Variants in MED27 observed in about 807,000 individuals in gnomAD.
MED27 encodes mediator of RNA polymerase II transcription subunit 27.
Under a neutral mutation model 38.2 loss-of-function variants are expected in MED27, and 30 were observed. That is an observed-to-expected ratio of 0.79 (90% CI 0.59 to 1.07). The LOEUF is 1.07. Among genes scored for constraint, MED27 ranks in the 50% least tolerant of loss-of-function variants. The probability of loss-of-function intolerance (pLI) is 0.00; values close to 1 mark genes in which losing one functional copy is unlikely to be tolerated. For synonymous variants in MED27, 122 were observed against 153.5 expected (o/e 0.79, Z 1.52); for missense variants, 289 against 397.5 (o/e 0.73, Z 2.32).
chr9:131,943,469 C>A (rs886431681), intron 3 of MED27, among the ~76,000 whole-genome samples: 1 of 152,152 alleles, frequency 6.6e-6, no homozygotes, highest in East Asian at 1.9e-4. Flanking sequence ...CTGCAGCGGG[C>A]TCTGCAGTGC....
chr9:132,005,402 G>A (rs928389836), intron 3 of MED27, among the ~76,000 whole-genome samples: 1 of 152,222 alleles, frequency 6.6e-6, no homozygotes, highest in African/African-American at 2.4e-5. Flanking sequence ...GTGAGTCTGA[G>A]AGTGTACGCT....
At chr9:131,987,382 T>C (rs1831877897) in intron 3 of MED27, among the ~76,000 whole-genome samples, 1 of 152,098 alleles carries the variant, frequency 6.6e-6, no homozygotes, top group Admixed American at 6.6e-5. Context: ...TGCGATGTGG[T>C]GTGTCCCTAA....
intron 4 of MED27, among the ~76,000 whole-genome samples, chr9:131,909,007 T>C (rs1830140128): frequency 6.6e-6 from 1 of 151,942 alleles, no homozygotes. Context: ...CCTCTGACAA[T>C]AGCAGCTTCA....
intron 4 of MED27, among the ~76,000 whole-genome samples, chr9:131,922,917 G>A: frequency 6.6e-6 from 1 of 152,032 alleles, no homozygotes; most frequent in Non-Finnish European, 1.5e-5. Context: ...CCCAGCCTGT[G>A]TCCTTTGATG....
intron 4 of MED27, among the ~76,000 whole-genome samples, chr9:131,902,509 C>T (rs1829969830): frequency 6.6e-6 from 1 of 152,124 alleles, no homozygotes; most frequent in Non-Finnish European, 1.5e-5. Context: ...TCGAGCGGGA[C>T]AGTAACTGAA....
chr9:132,041,800 C>T (rs538581217), intron 2 of MED27, among the ~76,000 whole-genome samples: 4 of 152,326 alleles, frequency 2.6e-5, no homozygotes, highest in South Asian at 4.1e-4. Context: ...CAAACACGTT[C>T]GTGGGGCCTG....
intron 3 of MED27, among the ~76,000 whole-genome samples, chr9:131,969,585 G>A (rs192465125): frequency 4.6e-5 from 7 of 152,296 alleles, no homozygotes; most frequent in Admixed American, 1.3e-4. Context: ...AGCCCGTTGT[G>A]CCCATCATTT....
chr9:132,069,317 A>G (rs887559768), intron 2 of MED27, among the ~76,000 whole-genome samples: 2 of 151,742 alleles, frequency 1.3e-5, no homozygotes, highest in African/African-American at 4.9e-5. Context: ...TTTTACAGAA[A>G]AGAATGAGGG....
At chr9:131,944,680 C>T (rs773792394) in intron 3 of MED27, among the ~76,000 whole-genome samples, 4 of 151,944 alleles carry the variant, frequency 2.6e-5, no homozygotes, top group Admixed American at 6.6e-5. Context: ...TACAGGCACC[C>T]GCCACCATGC....
At chr9:131,973,046 T>C (rs1002879672) in intron 3 of MED27, among the ~76,000 whole-genome samples, 28 of 152,228 alleles carry the variant, frequency 1.8e-4, no homozygotes, top group African/African-American at 6.8e-4. Flanking sequence ...AACACTCAAA[T>C]GCTCAGAGCA....
At chr9:131,907,835 A>C in intron 4 of MED27, among the ~76,000 whole-genome samples, 5 of 113,688 alleles carry the variant, frequency 4.4e-5, no homozygotes, top group Non-Finnish European at 7.4e-5. Context: ...CCGGCCGCCC[A>C]TCGTCTGAGA....
At chr9:131,995,069 C>T (rs951104341) in intron 3 of MED27, among the ~76,000 whole-genome samples, 3 of 152,142 alleles carry the variant, frequency 2.0e-5, no homozygotes, top group African/African-American at 7.2e-5. Flanking sequence ...GGCTAGACTA[C>T]AGGAAGACTC....
rs1838670131 is a variant in MED27 at position 131,862,581 on chromosome 9, C to T, written c.801+482G>A. 6.6e-6 allele frequency among the ~76,000 whole-genome samples: 1 copy of T among 152,220 alleles called. No homozygotes were observed. Among genetic ancestry groups the T allele is most frequent in the African/African-American group, 2.4e-5 (1 of 41,448 alleles). ...AAACTAGTAGTGGTTGAAGAACCAG[C>T]TCGCAAGATACTGAACAGGCACTGG... On this transcript the variant is annotated intron_variant, in intron 7 of 7. Transcript: ENST00000292035. The surrounding 1 kb of genome is among the most constrained non-coding windows in gnomAD (Gnocchi z 4.6).
rs1830304690 is a variant in MED27 at position 131,917,062 on chromosome 9, T to C, written c.573+22319A>G. 6.6e-6 allele frequency among the ~76,000 whole-genome samples: 1 copy of C among 152,084 alleles called. No homozygotes were observed. The stretch of plus-strand genomic sequence containing the variant: ...TAGGCAGAAATGCAGGTACAAAGCA[T>C]AAAAGCACCAGGCATGGGAATCTTG... On this transcript the variant is annotated intron_variant, in intron 4 of 7. Transcript: ENST00000292035. This position sits in a 1 kb window ranked among gnomAD's most constrained non-coding sequence, Gnocchi z 4.6.
At chr9:132,026,605 G>A (rs1177111119) in intron 2 of MED27, among the ~76,000 whole-genome samples, 1 of 152,144 alleles carries the variant, frequency 6.6e-6, no homozygotes, top group Non-Finnish European at 1.5e-5. Flanking sequence ...CTGAGAATGG[G>A]ATGGCCTGAT....
At chr9:131,974,032 T>C (rs1158296205) in intron 3 of MED27, among the ~76,000 whole-genome samples, 6 of 152,232 alleles carry the variant, frequency 3.9e-5, no homozygotes, top group African/African-American at 1.4e-4. Context: ...CTAAGATACA[T>C]TTCCCTCCAC....
At chr9:131,971,001 T>C (rs1831464108) in intron 3 of MED27, among the ~76,000 whole-genome samples, 1 of 152,226 alleles carries the variant, frequency 6.6e-6, no homozygotes, top group Admixed American at 6.5e-5. Context: ...TGAATGTCCT[T>C]ATTTTGCAGA....
intron 3 of MED27, among the ~76,000 whole-genome samples, 182 bp downstream of exon 3, chr9:132,014,155 T>G (rs192378448): frequency 6.6e-6 from 1 of 152,044 alleles, no homozygotes; most frequent in Non-Finnish European, 1.5e-5. Context: ...GGGCAGAGGT[T>G]GCAGTGAGCC....
intron 2 of MED27, among the ~76,000 whole-genome samples, chr9:132,069,302 T>C (rs1186770278): frequency 6.6e-6 from 1 of 151,728 alleles, no homozygotes; most frequent in Non-Finnish European, 1.5e-5. Flanking sequence ...AGACAGTTCC[T>C]GCTCTTTTAC....
Sources: gnomAD v4.1 joint callset for allele counts (sites outside exome capture counted in the v4.1 genomes callset) on GRCh38, gnomAD v4.1.1 for gene constraint, Gnocchi (gnomAD v3.1) non-coding constraint, MANE v1.5 for transcripts, NCBI Gene and HGNC (gene_info 2026-07-23, HGNC 2026-07-21) for gene names.